CALN1: variants seen among roughly 807,000 people sequenced by gnomAD.
The protein encoded by CALN1 is calcium-binding protein 8.
Under a neutral mutation model 30.6 loss-of-function variants are expected in CALN1, and 17 were observed. That is an observed-to-expected ratio of 0.56 (90% CI 0.38 to 0.83). The LOEUF (loss-of-function observed/expected upper bound fraction) is 0.83, where lower values mean the gene tolerates loss of function less well. Among genes scored for constraint, CALN1 ranks in the 40% least tolerant of loss-of-function variants. The pLI is 0.00. For missense variants in CALN1, 291 were observed against 354.9 expected, an observed-to-expected ratio of 0.82 and a Z score of 1.45; for synonymous variants, 156 against 131.4, an observed-to-expected ratio of 1.19 and a Z score of -1.28.
chr7:72,030,382 G>T (rs1268271701), intron 4 of CALN1, among the ~76,000 whole-genome samples: 2 of 152,168 alleles, frequency 1.3e-5, no homozygotes, highest in Non-Finnish European at 2.9e-5. Context: ...TTCAGTAAAT[G>T]AAGACTCTTC....
upstream of CALN1, among the ~76,000 whole-genome samples, chr7:72,413,772 A>G (rs539002936): frequency 6.9e-6 from 1 of 144,544 alleles, no homozygotes; most frequent in Admixed American, 6.8e-5. Flanking sequence ...TAACAAACAC[A>G]CTACACAGAC....
At chr7:72,151,587 G>T (rs556960216) in intron 3 of CALN1, among the ~76,000 whole-genome samples, 2 of 152,188 alleles carry the variant, frequency 1.3e-5, no homozygotes, top group South Asian at 4.2e-4. Flanking sequence ...TCCCACTTGG[G>T]GGACCCTTTC....
chr7:72,332,043 T>C (rs1054852733), intron 2 of CALN1, among the ~76,000 whole-genome samples: 2 of 152,248 alleles, frequency 1.3e-5, no homozygotes, highest in African/African-American at 4.8e-5. Context: ...TCATTTTTTA[T>C]GGCTGCATAG....
At chr7:72,025,915 T>C (rs1801023515) in intron 4 of CALN1, among the ~76,000 whole-genome samples, 1 of 152,012 alleles carries the variant, frequency 6.6e-6, no homozygotes, top group African/African-American at 2.4e-5. Flanking sequence ...CAGGAACAGA[T>C]CCCAGCAGAG....
At chr7:72,089,797 G>A (rs140826307) in intron 4 of CALN1, among the ~76,000 whole-genome samples, 18 of 152,256 alleles carry the variant, frequency 1.2e-4, no homozygotes, top group African/African-American at 4.1e-4. Flanking sequence ...AGTAAATCCA[G>A]GAAGTAACAT....
intron 2 of CALN1, among the ~76,000 whole-genome samples, chr7:72,334,287 G>A (rs752736003): frequency 6.6e-5 from 10 of 152,136 alleles, no homozygotes; most frequent in Non-Finnish European, 1.3e-4. Context: ...TGCATAGGTG[G>A]TCAATACAAG....
At chr7:71,998,848 A>G (rs1437339957) in intron 5 of CALN1, among the ~76,000 whole-genome samples, 2 of 152,074 alleles carry the variant, frequency 1.3e-5, no homozygotes, top group Admixed American at 6.6e-5. Flanking sequence ...GAGCCACCGC[A>G]CCCAAAGAGA....
At chr7:71,798,175 G>GAGA (rs1562788199) in intron 6 of CALN1, among the ~76,000 whole-genome samples, 1 of 131,908 alleles carries the variant, frequency 7.6e-6, no homozygotes, top group South Asian at 2.5e-4. Context: ...GAGAGAGAGA[G>GAGA]ATGTTGCTTG....
chr7:71,952,305 A>G (rs969492572), intron 5 of CALN1, among the ~76,000 whole-genome samples: 1 of 152,186 alleles, frequency 6.6e-6, no homozygotes, highest in African/African-American at 2.4e-5. Context: ...ACAGCGGCTC[A>G]GTGGCTCCCA....
Position 71,938,664 on chromosome 7 carries a change from A to G in CALN1, c.501+84993T>C, listed in dbSNP as rs377174715. Among the ~76,000 whole-genome samples the G allele has an allele frequency of 1.0e-3, 154 of 152,186 alleles. 1 individual carries two copies. The highest frequency in any genetic ancestry group is 3.4e-3 in the Middle Eastern group (1 of 294). ...ACAAAAATTAGCTGGGCGTGGTGGCAGGCACCTATAGTCACAGCTACTCGG... is the reference window on the plus strand; with the variant it reads ...ACAAAAATTAGCTGGGCGTGGTGGCGGGCACCTATAGTCACAGCTACTCGG... On this transcript the variant is annotated intron_variant, in intron 5 of 6. Transcript: ENST00000395275.
upstream of CALN1, among the ~76,000 whole-genome samples, chr7:72,416,863 G>A (rs1327170177): frequency 6.6e-6 from 1 of 152,086 alleles, no homozygotes; most frequent in African/African-American, 2.4e-5. Context: ...GCTGGGGTGG[G>A]CTGGGCTGAG....
chr7:72,336,611 G>A (rs1486356450), intron 2 of CALN1: 4 of 852,928 alleles, frequency 4.7e-6, no homozygotes, highest in Non-Finnish European at 4.2e-6. Flanking sequence ...GACAGCCCGG[G>A]GGTTTGGACA....
At chr7:72,060,786 GACACACC>G (rs1413660445) in intron 4 of CALN1, among the ~76,000 whole-genome samples, 5 of 152,108 alleles carry the variant, frequency 3.3e-5, no homozygotes, top group Non-Finnish European at 1.5e-5. Flanking sequence ...CATGCTTTGT[GACACACC>G]AGCTCTACTT....
At chr7:71,818,677 TTTATTTATTTA>T (rs1788407045) in intron 5 of CALN1, among the ~76,000 whole-genome samples, 1 of 4,172 alleles carries the variant, frequency 2.4e-4, no homozygotes, top group African/African-American at 4.9e-4. Context: ...GCTTATTTTA[TTTATTTATTTA>T]TTTATTTATT....
chr7:72,281,201 T>G (rs1797715146), intron 2 of CALN1, among the ~76,000 whole-genome samples: 1 of 151,390 alleles, frequency 6.6e-6, no homozygotes, highest in African/African-American at 2.4e-5. Flanking sequence ...TCTCTAACAC[T>G]CATGCTCTCT....
chr7:71,844,245 T>C (rs191005032), intron 5 of CALN1, among the ~76,000 whole-genome samples: 1 of 152,276 alleles, frequency 6.6e-6, no homozygotes, highest in Admixed American at 6.5e-5. Context: ...GCCCCTGCCA[T>C]CACCCCAGAT....
chr7:72,115,403 A>C (rs1807906252), intron 3 of CALN1, among the ~76,000 whole-genome samples: 1 of 149,144 alleles, frequency 6.7e-6, no homozygotes, highest in Non-Finnish European at 1.5e-5. Context: ...ATTTTTAATT[A>C]AGGTCAAAAA....
intron 6 of CALN1, among the ~76,000 whole-genome samples, chr7:71,802,717 G>C (rs1407885320): frequency 6.6e-6 from 1 of 152,130 alleles, no homozygotes; most frequent in South Asian, 2.1e-4. Context: ...CGCAAAGATT[G>C]ACAAGTAACA....
At chr7:72,350,603 G>C (rs1344177707) in intron 2 of CALN1, among the ~76,000 whole-genome samples, 2 of 152,108 alleles carry the variant, frequency 1.3e-5, no homozygotes, top group East Asian at 3.9e-4. Context: ...ACGAGGAAGA[G>C]AACAACAGAC....
Sources: allele counts gnomAD v4.1 joint callset (sites outside exome capture counted in the v4.1 genomes callset), GRCh38; gene constraint gnomAD v4.1.1; transcripts MANE v1.5; gene names NCBI Gene and HGNC (gene_info 2026-07-23, HGNC 2026-07-21).